Variants in ZFHX3 observed in about 807,000 individuals in gnomAD.
The protein encoded by ZFHX3 is zinc finger homeobox 3, also known as zinc finger homeobox protein 3.
A neutral mutation model predicts 279.1 loss-of-function variants in ZFHX3; 42 were observed. That is an observed-to-expected ratio of 0.15 (90% confidence interval 0.12 to 0.19). The LOEUF is 0.19. Ranked by LOEUF, ZFHX3 falls within the 10% of genes least tolerant of loss-of-function variation. ZFHX3 has a pLI of 1.00. For missense variants in ZFHX3, 4,981 were observed against 4,754.0 expected (o/e 1.05, Z -1.40); for synonymous variants, 2,293 against 1,957.8 (o/e 1.17, Z -4.52).
chr16:73,444,293 C>T (rs907850140), intron 3 of ZFHX3, among the ~76,000 whole-genome samples: 1 of 152,230 alleles, frequency 6.6e-6, no homozygotes, highest in Non-Finnish European at 1.5e-5. Context: ...CTGAGGTACA[C>T]TTGCCTTTTA....
At chr16:73,035,845 A>C (rs1046056234) in intron 1 of ZFHX3, among the ~76,000 whole-genome samples, 1 of 152,254 alleles carries the variant, frequency 6.6e-6, no homozygotes, top group Non-Finnish European at 1.5e-5. Context: ...AGGAAGGCAC[A>C]GTGAGCTGAG....
chr16:72,847,063 G>A (rs1236905849), intron 4 of ZFHX3, among the ~76,000 whole-genome samples: 1 of 152,170 alleles, frequency 6.6e-6, no homozygotes, highest in African/African-American at 2.4e-5. Flanking sequence ...CGGTGCAAAT[G>A]CAGAAATTAG....
upstream of ZFHX3, chr16:73,062,241 C>G (rs1777017450): frequency 6.6e-6 from 1 of 152,124 alleles, no homozygotes; most frequent in South Asian, 2.1e-4. Context: ...TTCTCTAGCT[C>G]TCACTCAAAT....
intron 1 of ZFHX3, among the ~76,000 whole-genome samples, chr16:73,719,134 T>C (rs7206578): frequency 0.79 from 120,318 of 152,160 alleles, 49,519 homozygotes; most frequent in Middle Eastern, 0.9. Flanking sequence ...TTGGTCACTT[T>C]GAACTTTCAC....
At chr16:73,669,432 T>C (rs1041161230) in intron 2 of ZFHX3, among the ~76,000 whole-genome samples, 1 of 152,204 alleles carries the variant, frequency 6.6e-6, no homozygotes, top group African/African-American at 2.4e-5. Flanking sequence ...TAGATGACCT[T>C]CTAAAGGGAA....
rs933493171 is a variant in ZFHX3, at chr16:72,783,113, T to A, written c.*4051A>T. The A allele has an allele frequency of 6.6e-6, 1 of 152,596 alleles. No individual in the cohort carries two copies. The highest frequency in any genetic ancestry group is 1.5e-5 in the Non-Finnish European group (1 of 68,018). 9.5% of individuals were successfully genotyped at this position (152,596 alleles called of 1,614,324 possible). A position where few individuals can be genotyped will look rare whatever the true frequency, so the allele number is the denominator to read the frequency against. ...AGCATTGTTACAGTAACAAAAAAGC[T>A]AACAAGACTACATTATAGAAAAACA... On this transcript the variant is annotated 3_prime_UTR_variant, in exon 10 of 10. Coordinates refer to ENST00000268489, the MANE Select transcript of ZFHX3 (RefSeq NM_006885.4).
chr16:73,564,616 G>C (rs2020423842), intron 2 of ZFHX3, among the ~76,000 whole-genome samples: 1 of 152,092 alleles, frequency 6.6e-6, no homozygotes, highest in African/African-American at 2.4e-5. Flanking sequence ...CAAGGGCATA[G>C]CTCAGACCCA....
At chr16:73,363,355 A>T (rs1445951072) in intron 3 of ZFHX3, among the ~76,000 whole-genome samples, 1 of 152,198 alleles carries the variant, frequency 6.6e-6, no homozygotes, top group African/African-American at 2.4e-5. Context: ...TATTTTAAAA[A>T]CGATTCCAAA....
At chr16:73,704,676 G>C (rs1417936946) in intron 1 of ZFHX3, among the ~76,000 whole-genome samples, 1 of 152,208 alleles carries the variant, frequency 6.6e-6, no homozygotes, top group African/African-American at 2.4e-5. Flanking sequence ...TTAATTGTAA[G>C]TAGTTTATTT....
chr16:73,612,557 C>T (rs1475174015), intron 2 of ZFHX3, among the ~76,000 whole-genome samples: 7 of 152,116 alleles, frequency 4.6e-5, no homozygotes, highest in Admixed American at 4.6e-4. Flanking sequence ...GCTTCTGTTT[C>T]CTCAAAATAC....
chr16:73,449,843 T>A (rs1259568336), intron 3 of ZFHX3, among the ~76,000 whole-genome samples: 4 of 152,098 alleles, frequency 2.6e-5, no homozygotes, highest in African/African-American at 9.7e-5. Flanking sequence ...CTCCATTTTT[T>A]TTCTCTTAAT....
At chr16:72,882,172 CTTTTTTTTT>C (rs11298791) in intron 4 of ZFHX3, among the ~76,000 whole-genome samples, 2 of 103,792 alleles carry the variant, frequency 1.9e-5, no homozygotes, top group South Asian at 3.3e-4. Context: ...CCCCTTTTTC[CTTTTTTTTT>C]TTTTTTTTTT....
chr16:73,172,989 TTTTTTTGTTTTTTTTTTTG>T (rs1555502636), intron 5 of ZFHX3, among the ~76,000 whole-genome samples: 610 of 55,848 alleles, frequency 0.011, 10 homozygotes, highest in African/African-American at 0.021. Context: ...GATGGGACTG[TTTTTTTGTTTTTTTTTTTG>T]TTTTTTTTTT....
At chr16:73,390,648 G>A (rs931561976) in intron 3 of ZFHX3, among the ~76,000 whole-genome samples, 4 of 152,200 alleles carry the variant, frequency 2.6e-5, no homozygotes, top group Admixed American at 6.5e-5. Context: ...GGATACAATC[G>A]GTATTAGTGG....
At position 73,877,201 on chromosome 16, in the gene ZFHX3, TC is replaced by T. The variant is rs371212312; in HGVS notation, c.-1608+14449del. 9.3e-3 allele frequency among the ~76,000 whole-genome samples: 982 copies of T among 105,602 alleles called. 28 individuals carry two copies. Among genetic ancestry groups the T allele is most frequent in the African/African-American group, 0.032 (898 of 27,702 alleles). The allele number at this position is 105,602 out of a possible 152,430, so 69.3% of individuals were successfully genotyped here. On this transcript the variant is annotated intron_variant, in intron 1 of 17. Transcript: ENST00000641206. Reference sequence around the variant, plus strand: ...AGATGGTTGGGTTCGGGGGGTTAGGTCGGGGGGGGGTCCCAGGCACTTGCTT... The same window carrying T: ...AGATGGTTGGGTTCGGGGGGTTAGGTGGGGGGGGGTCCCAGGCACTTGCTT...
intron 3 of ZFHX3, among the ~76,000 whole-genome samples, chr16:73,446,826 AC>A (rs1419230099): frequency 6.6e-6 from 1 of 151,892 alleles, no homozygotes; most frequent in African/African-American, 2.4e-5. Flanking sequence ...TGTATAACAA[AC>A]CCCCATGACA....
intron 4 of ZFHX3, among the ~76,000 whole-genome samples, chr16:72,858,993 T>A (rs1218801784): frequency 6.6e-6 from 1 of 152,240 alleles, no homozygotes; most frequent in Admixed American, 6.5e-5. Context: ...TTCCTCAAGC[T>A]GACAGCCAGG....
At chr16:73,258,884 C>T (rs139852391) in intron 4 of ZFHX3, among the ~76,000 whole-genome samples, 16 of 152,236 alleles carry the variant, frequency 1.1e-4, no homozygotes, top group Admixed American at 2.0e-4. Context: ...ATGCCGTTCC[C>T]GGGTAAGAGT....
At chr16:73,511,732 A>G (rs2019431820) in intron 2 of ZFHX3, among the ~76,000 whole-genome samples, 1 of 152,166 alleles carries the variant, frequency 6.6e-6, no homozygotes, top group Admixed American at 6.5e-5. Flanking sequence ...TTGAGGGTAG[A>G]AGGGTGGCAA....
Sources: allele counts gnomAD v4.1 joint callset (sites outside exome capture counted in the v4.1 genomes callset), GRCh38; gene constraint gnomAD v4.1.1; transcripts MANE v1.5; gene names NCBI Gene and HGNC (gene_info 2026-07-23, HGNC 2026-07-21).